MEGF11: variants seen among roughly 807,000 people sequenced by gnomAD.
The protein encoded by MEGF11 is multiple epidermal growth factor-like domains protein 11.
MEGF11 carries 126 observed loss-of-function variants against 146.6 expected under a neutral mutation model. The ratio of observed to expected loss-of-function variants is 0.86; its 90% CI spans 0.74 to 1.00. The LOEUF (loss-of-function observed/expected upper bound fraction) is 1.00, where lower values mean the gene tolerates loss of function less well. Ranked by LOEUF, MEGF11 falls within the 50% of genes least tolerant of loss-of-function variation. The probability of loss-of-function intolerance (pLI) is 0.00; values close to 1 mark genes in which losing one functional copy is unlikely to be tolerated. For synonymous variants in MEGF11, 532 were observed against 583.4 expected, an observed-to-expected ratio of 0.91 and a Z score of 1.27; for missense variants, 1,509 against 1,521.2, an observed-to-expected ratio of 0.99 and a Z score of 0.13.
chr15:66,163,724 G>A (rs753531880), intron 1 of MEGF11, among the ~76,000 whole-genome samples: 9 of 152,164 alleles, frequency 5.9e-5, no homozygotes, highest in Non-Finnish European at 1.0e-4. Context: ...ATGGGAAGGC[G>A]GGCGGAGCCT....
At position 66,168,068 on chromosome 15, in the gene MEGF11, A is replaced by G. The variant is rs550867236; in HGVS notation, c.-8-39657T>C. 2.6e-5 allele frequency among the ~76,000 whole-genome samples: 4 copies of G among 152,190 alleles called. No individual in the cohort carries two copies. The South Asian group carries it at 8.3e-4, about 32-fold the overall frequency. ...CATCTGATCCTATCAACCCTTGCTT[A>G]TACGCGATTCCTCCTATCAAACCAA... is the stretch of plus-strand genomic sequence containing the variant. On this transcript the variant is annotated intron_variant, in intron 1 of 25. Transcript: ENST00000395614.
chr15:65,969,473 G>A (rs2081229975), intron 8 of MEGF11, among the ~76,000 whole-genome samples: 1 of 152,208 alleles, frequency 6.6e-6, no homozygotes. Flanking sequence ...GGGGAACAGT[G>A]TTGATGAACA....
rs1284501565 is a variant in MEGF11 at position 65,916,971 on chromosome 15, A to G, written c.2087-15T>C. 6.7e-6 allele frequency: 10 copies of G among 1,494,468 alleles called. No individual in the cohort carries two copies. The highest frequency in any genetic ancestry group is 9.0e-6 in the Non-Finnish European group (10 of 1,116,132). The allele number at this position is 1,494,468 out of a possible 1,614,324, so 92.6% of individuals were successfully genotyped here. A position where few individuals can be genotyped will look rare whatever the true frequency, so the allele number is the denominator to read the frequency against. On this transcript the variant is annotated splice_polypyrimidine_tract_variant and intron_variant, in intron 16 of 25. Transcript: ENST00000395614. ...GGGTGGGCAAGCTGGGATGTCGGTG[A>G]AATGCAGAGGGTGAGGGGAAGGCAG...
chr15:66,149,623 A>G lies in MEGF11; in HGVS notation c.-8-21212T>C, dbSNP rs2089491951. Among the ~76,000 whole-genome samples, 3 of 152,186 alleles carry G rather than the reference A, an allele frequency of 2.0e-5. No individual in the cohort carries two copies. The South Asian group carries it at 6.2e-4, about 32-fold the overall frequency. On this transcript the variant is annotated intron_variant, in intron 1 of 25. Coordinates refer to ENST00000395614, the MANE Select transcript of MEGF11 (RefSeq NM_001385028.1). ...CTCCATCAGCATCACGCAGAATACA[A>G]CCCACTGGGGTTCAGACAAAATGTA...
In MEGF11 at chr15:65,896,550, A is replaced by T. The variant is rs1003410923; in HGVS notation, c.*1384T>A. ...GTACCAGTGAATAGAGTGGTACAGG[A>T]GTAGCCGTTAGCTTCCTAGGTTTGC... On this transcript the variant is annotated 3_prime_UTR_variant, in exon 26 of 26. Transcript: ENST00000395614. The T allele has an allele frequency of 6.6e-6, 1 of 152,632 alleles. No individual in the cohort carries two copies. Among genetic ancestry groups the T allele is most frequent in the Non-Finnish European group, 1.5e-5 (1 of 68,028 alleles). The allele number at this position is 152,632 out of a possible 1,614,324, so 9.5% of individuals were successfully genotyped here. A position where few individuals can be genotyped will look rare whatever the true frequency, so the allele number is the denominator to read the frequency against.
At chr15:66,200,828 C>A (rs577149191) in intron 1 of MEGF11, among the ~76,000 whole-genome samples, 3 of 152,066 alleles carry the variant, frequency 2.0e-5, no homozygotes, top group African/African-American at 7.2e-5. Context: ...GTTGGTGAAT[C>A]GCCTCTGAGG....
chr15:65,903,988 C>T (rs1052612917), intron 24 of MEGF11, among the ~76,000 whole-genome samples: 3 of 152,130 alleles, frequency 2.0e-5, no homozygotes, highest in African/African-American at 7.2e-5. Flanking sequence ...CCTGCTGAGC[C>T]CTCGCCTGCA....
chr15:66,142,568 G>C (rs975249562), intron 1 of MEGF11, among the ~76,000 whole-genome samples: 6 of 152,232 alleles, frequency 3.9e-5, no homozygotes, highest in African/African-American at 1.4e-4. Context: ...TGAGTGAGCC[G>C]GCACGACCGC....
chr15:65,977,732 C>G (rs981878350), intron 7 of MEGF11, among the ~76,000 whole-genome samples: 11 of 152,080 alleles, frequency 7.2e-5, no homozygotes, highest in African/African-American at 2.7e-4. Flanking sequence ...TTCCCAGCTC[C>G]TCAGCCTCCT....
intron 1 of MEGF11, among the ~76,000 whole-genome samples, chr15:66,150,866 G>GAGAT (rs1555476743): frequency 0.013 from 1,604 of 122,468 alleles, 43 homozygotes; most frequent in Admixed American, 0.018. Context: ...GAGAGAGAGA[G>GAGAT]AGAGGAAAGA....
intron 5 of MEGF11, among the ~76,000 whole-genome samples, chr15:66,009,801 A>G (rs1454753437): frequency 1.8e-4 from 27 of 151,920 alleles, no homozygotes. Flanking sequence ...TCATCGTGTT[A>G]GCCAGGATGG....
At chr15:66,097,960 G>A (rs2086623633) in intron 4 of MEGF11, among the ~76,000 whole-genome samples, 1 of 152,150 alleles carries the variant, frequency 6.6e-6, no homozygotes, top group African/African-American at 2.4e-5. Flanking sequence ...GTCTGTCTGT[G>A]AAATGAAAGG....
chr15:66,183,921 G>T (rs75363865), intron 1 of MEGF11, among the ~76,000 whole-genome samples: 19,672 of 152,176 alleles, frequency 0.13, 1,604 homozygotes, highest in Non-Finnish European at 0.19. Context: ...TCTATATGCA[G>T]TGTGGATGAA....
At chr15:65,999,974 G>A (rs1393866801) in intron 5 of MEGF11, among the ~76,000 whole-genome samples, 3 of 152,184 alleles carry the variant, frequency 2.0e-5, no homozygotes. Context: ...AAGGGGCAGT[G>A]CACAGGGAAG....
intron 22 of MEGF11, 71 bp downstream of exon 22, chr15:65,909,669 G>A: frequency 7.0e-7 from 1 of 1,421,954 alleles, no homozygotes; most frequent in South Asian, 1.2e-5. Context: ...CTTCAAGCTG[G>A]GTGCTTCTCA....
At chr15:65,929,302 C>G (rs2079487566) in intron 12 of MEGF11, among the ~76,000 whole-genome samples, 2 of 152,178 alleles carry the variant, frequency 1.3e-5, no homozygotes, top group Non-Finnish European at 2.9e-5. Flanking sequence ...ACCACACACT[C>G]TGATCATAAA....
chr15:66,021,699 G>A (rs1240051238), intron 5 of MEGF11, among the ~76,000 whole-genome samples: 2 of 152,160 alleles, frequency 1.3e-5, no homozygotes, highest in Non-Finnish European at 2.9e-5. Flanking sequence ...AGATACCCCT[G>A]CCCTTCCATG....
intron 1 of MEGF11, among the ~76,000 whole-genome samples, chr15:66,181,128 A>C (rs1353003328): frequency 3.3e-5 from 5 of 152,282 alleles, no homozygotes; most frequent in Admixed American, 2.0e-4. Flanking sequence ...ACAAAGTAAC[A>C]TATTACCTAG....
intron 4 of MEGF11, among the ~76,000 whole-genome samples, chr15:66,102,796 T>C (rs2086881028): frequency 6.6e-6 from 1 of 152,206 alleles, no homozygotes; most frequent in African/African-American, 2.4e-5. Context: ...CCCAACTCTA[T>C]GCTTATACAC....
Sources: allele counts gnomAD v4.1 joint callset (sites outside exome capture counted in the v4.1 genomes callset), GRCh38; gene constraint gnomAD v4.1.1; transcripts MANE v1.5; gene names NCBI Gene and HGNC (gene_info 2026-07-23, HGNC 2026-07-21).